Variants in TDRD5 observed in about 807,000 individuals in gnomAD.
The protein encoded by TDRD5 is tudor domain-containing protein 5.
In TDRD5, 41 loss-of-function variants were observed where a neutral mutation model predicts 120.6. The ratio of observed to expected loss-of-function variants is 0.34; its 90% CI spans 0.26 to 0.44. The LOEUF (loss-of-function observed/expected upper bound fraction) is 0.44. Among genes scored for constraint, TDRD5 ranks in the 20% least tolerant of loss-of-function variants. TDRD5 has a pLI of 1.00. For missense variants in TDRD5, 1,006 were observed against 1,221.2 expected (o/e 0.82, Z 2.63); for synonymous variants, 430 against 433.7 (o/e 0.99, Z 0.11).
At chr1:179,638,456 C>A (rs11804670) in intron 9 of TDRD5, among the ~76,000 whole-genome samples, 17,336 of 127,808 alleles carry the variant, frequency 0.14, 4,828 homozygotes, top group Middle Eastern at 0.17. Flanking sequence ...GCAATGTTGA[C>A]TAGATGGTAT....
rs531598745 is a variant in TDRD5, at chr1:179,604,780, G to A, written c.831+8962G>A. Among the ~76,000 whole-genome samples the A allele has an allele frequency of 3.9e-5, 6 of 152,128 alleles. No homozygotes were observed. The East Asian group carries it at 5.8e-4, about 15-fold the overall frequency. Reference sequence around the variant, plus strand: ...AATTTTCTTAAATGTATTGAGGCTCGTTTTATGGCCTATTATATGGTCTAT... The same window carrying A: ...AATTTTCTTAAATGTATTGAGGCTCATTTTATGGCCTATTATATGGTCTAT... On this transcript the variant is annotated intron_variant, in intron 4 of 17. Coordinates refer to ENST00000444136, the MANE Select transcript of TDRD5 (RefSeq NM_001199085.3).
intron 14 of TDRD5, among the ~76,000 whole-genome samples, chr1:179,655,778 C>G (rs1019712057): frequency 3.9e-5 from 6 of 152,172 alleles, no homozygotes; most frequent in Admixed American, 2.0e-4. Context: ...CATGCTCTTG[C>G]ATGTATCAAT....
chr1:179,606,452 A>T (rs72706716), intron 4 of TDRD5, among the ~76,000 whole-genome samples: 7,549 of 152,144 alleles, frequency 0.05, 275 homozygotes, highest in Non-Finnish European at 0.069. Flanking sequence ...AAGACCAGGC[A>T]ATCAATTATT....
intron 17 of TDRD5, among the ~76,000 whole-genome samples, chr1:179,675,868 G>T (rs1558424749): frequency 6.6e-6 from 1 of 152,138 alleles, no homozygotes; most frequent in Non-Finnish European, 1.5e-5. Context: ...ATAAATATCT[G>T]TTAAATCCAT....
At chr1:179,672,688 G>A (rs1034660611) in intron 17 of TDRD5, among the ~76,000 whole-genome samples, 1 of 152,056 alleles carries the variant, frequency 6.6e-6, no homozygotes, top group Admixed American at 6.6e-5. Flanking sequence ...TGTCTAGAAG[G>A]GTTTTTCCAA....
At chr1:179,631,409 T>G (rs998877627) in intron 7 of TDRD5, among the ~76,000 whole-genome samples, 6 of 151,936 alleles carry the variant, frequency 3.9e-5, no homozygotes, top group African/African-American at 1.4e-4. Flanking sequence ...AAATTTTTCT[T>G]GCTTTCTTCA....
chr1:179,659,550 CGTGTGTGTGTGTGT>C (rs71569263), intron 14 of TDRD5, among the ~76,000 whole-genome samples: 31 of 129,884 alleles, frequency 2.4e-4, no homozygotes, highest in African/African-American at 8.5e-4. Context: ...TTCCAGTTTT[CGTGTGTGTGTGTGT>C]GTGTGTGTGT....
rs759839196 is a variant in TDRD5, at chr1:179,652,069, T to C, written c.2032T>C (p.Tyr678His). ...CAGTGAGCTCAACCCTTTAGCTTTATACACGACATCCAGTGGAGGGCCAGA... is the reference window on the plus strand; with the variant it reads ...CAGTGAGCTCAACCCTTTAGCTTTACACACGACATCCAGTGGAGGGCCAGA... The part of the protein sequence containing the change: ...GFSELNPLAL[Y>H]TTSSGGPEDI... The change falls in exon 13 of 18, where the codon TAC becomes CAC. Residue 678 changes from tyrosine to histidine, a missense_variant. Around this residue, in one of 3 missense-constraint regions of TDRD5, gnomAD observed 403 missense variants for 448.1 expected, o/e 0.90. Coordinates refer to ENST00000444136, the MANE Select transcript of TDRD5 (RefSeq NM_001199085.3). 3.1e-6 allele frequency: 5 copies of C among 1,613,870 alleles called. No individual in the cohort carries two copies. Among genetic ancestry groups the C allele is most frequent in the Non-Finnish European group, 1.7e-6 (2 of 1,179,996 alleles).
At chr1:179,653,630 G>A (rs1210041580) in intron 13 of TDRD5, among the ~76,000 whole-genome samples, 1 of 152,014 alleles carries the variant, frequency 6.6e-6, no homozygotes, top group Non-Finnish European at 1.5e-5. Flanking sequence ...CTCTGTTGGT[G>A]TCTTCAAATA....
chr1:179,623,942 C>T (rs975390555), intron 6 of TDRD5, among the ~76,000 whole-genome samples: 1 of 152,034 alleles, frequency 6.6e-6, no homozygotes, highest in Non-Finnish European at 1.5e-5. Context: ...CCTGGCCTCC[C>T]CAACTCATTC....
At chr1:179,632,317 G>A (rs1677502310) in intron 7 of TDRD5, among the ~76,000 whole-genome samples, 1 of 151,534 alleles carries the variant, frequency 6.6e-6, no homozygotes, top group African/African-American at 2.4e-5. Flanking sequence ...TTCTCCAATG[G>A]CAACACCTCG....
chr1:179,595,493 T>C (rs1675341352), intron 3 of TDRD5, 135 bp from the exon 4 acceptor site: 1 of 684,800 alleles, frequency 1.5e-6, no homozygotes, highest in Admixed American at 3.5e-5. Context: ...TGTAAAAATG[T>C]CAGCTTTCTT....
At chr1:179,614,149 A>G (rs573529433) in intron 4 of TDRD5, among the ~76,000 whole-genome samples, 7 of 152,226 alleles carry the variant, frequency 4.6e-5, no homozygotes, top group Non-Finnish European at 8.8e-5. Context: ...GCACAAAAGA[A>G]AATAAAGATC....
At chr1:179,610,434 T>G (rs1676218037) in intron 4 of TDRD5, among the ~76,000 whole-genome samples, 1 of 152,236 alleles carries the variant, frequency 6.6e-6, no homozygotes, top group African/African-American at 2.4e-5. Context: ...GTTCAGTTAT[T>G]TCTCATTCTT....
At chr1:179,593,179 T>C (rs1030757982) in intron 2 of TDRD5, among the ~76,000 whole-genome samples, 2 of 152,224 alleles carry the variant, frequency 1.3e-5, no homozygotes, top group African/African-American at 2.4e-5. Flanking sequence ...AAAAAACTAT[T>C]GTAGGGAAGT....
intron 17 of TDRD5, among the ~76,000 whole-genome samples, chr1:179,679,116 A>G (rs1297933587): frequency 6.6e-6 from 1 of 152,120 alleles, no homozygotes; most frequent in Non-Finnish European, 1.5e-5. Flanking sequence ...GTCTATTGAG[A>G]TGGTTATGCT....
Position 179,610,510 on chromosome 1 carries a change from A to G in TDRD5, c.832-8089A>G, listed in dbSNP as rs1457894498. ...TAAATTGACCTCCAGAAAAGTATCAATATATGTTTCAACTCAGAGTGTGGT... is the reference window on the plus strand; with the variant it reads ...TAAATTGACCTCCAGAAAAGTATCAGTATATGTTTCAACTCAGAGTGTGGT... On this transcript the variant is annotated intron_variant, in intron 4 of 17. Transcript: ENST00000444136. 2.0e-5 allele frequency among the ~76,000 whole-genome samples: 3 copies of G among 152,190 alleles called. No homozygotes were observed. The East Asian group carries it at 5.8e-4, about 29-fold the overall frequency.
intron 13 of TDRD5, among the ~76,000 whole-genome samples, chr1:179,652,760 A>T (rs375412446): frequency 1.3e-5 from 2 of 152,318 alleles, no homozygotes; most frequent in Admixed American, 6.5e-5. Flanking sequence ...CAAAACCTGA[A>T]ATGCTCCAAA....
intron 3 of TDRD5, among the ~76,000 whole-genome samples, 181 bp from the exon 4 acceptor site, chr1:179,595,446 GA>G (rs1675338917): frequency 6.6e-6 from 1 of 152,110 alleles, no homozygotes; most frequent in Non-Finnish European, 1.5e-5. Flanking sequence ...CTCTATGGAT[GA>G]CTAATAACTT....
Sources: allele counts gnomAD v4.1 joint callset (sites outside exome capture counted in the v4.1 genomes callset), GRCh38; gene constraint gnomAD v4.1.1; regional missense constraint gnomAD v4.1.1; transcripts MANE v1.5; gene names NCBI Gene and HGNC (gene_info 2026-07-23, HGNC 2026-07-21).